Variants in MID1 observed in about 807,000 individuals in gnomAD.
MID1 encodes the protein midline 1.
MID1 carries 7 observed loss-of-function variants against 40.4 expected under a neutral mutation model. The observed-to-expected ratio is 0.17, with a 90% CI of 0.10 to 0.33. MID1 has a LOEUF of 0.33. Ranked by LOEUF, MID1 falls within the 10% of genes least tolerant of loss-of-function variation. MID1 has a pLI of 1.00. For missense variants in MID1, 367 were observed against 558.5 expected (o/e 0.66, Z 3.46); for synonymous variants, 229 against 221.2 (o/e 1.04, Z -0.31).
intron 1 of MID1, among the ~76,000 whole-genome samples, chrX:10,570,740 T>C (rs1934698713): frequency 8.9e-6 from 1 of 112,495 alleles, no homozygotes; most frequent in African/African-American, 3.2e-5. Flanking sequence ...AATCTACCAC[T>C]GTAGTGCAAA....
intron 8 of MID1, 68 bp from the exon 9 acceptor site, chrX:10,455,145 G>T: frequency 1.0e-6 from 1 of 976,333 alleles, no homozygotes; most frequent in South Asian, 2.0e-5. Flanking sequence ...ATAACCAATA[G>T]CATATTTTCA....
At chrX:10,555,422 A>C (rs1934080692) in intron 2 of MID1, among the ~76,000 whole-genome samples, 1 of 111,601 alleles carries the variant, frequency 9.0e-6, no homozygotes, top group Non-Finnish European at 1.9e-5. Context: ...TATTATTCAC[A>C]TTAAAAATTA....
chrX:10,829,854 T>C (rs2044241682), intron 1 of MID1, among the ~76,000 whole-genome samples: 1 of 111,957 alleles, frequency 8.9e-6, no homozygotes, highest in African/African-American at 3.2e-5. Context: ...TCTTGCCTAC[T>C]TTATAAGAAT....
chrX:10,592,674 A>G (rs1935332443), intron 1 of MID1, among the ~76,000 whole-genome samples: 1 of 110,571 alleles, frequency 9.0e-6, no homozygotes, highest in Non-Finnish European at 1.9e-5. Flanking sequence ...AAATTCCAAA[A>G]ATGAAAAGCC....
intron 3 of MID1, among the ~76,000 whole-genome samples, chrX:10,498,803 T>C (rs774151720): frequency 1.2e-4 from 13 of 112,668 alleles, no homozygotes; most frequent in Non-Finnish European, 1.9e-4. Flanking sequence ...CATTCCTTTC[T>C]ATGCCAAATA....
intron 1 of MID1, among the ~76,000 whole-genome samples, chrX:10,672,595 C>G (rs1478502608): frequency 8.9e-6 from 1 of 111,806 alleles, no homozygotes; most frequent in African/African-American, 3.2e-5. Context: ...AAGCAGGGAA[C>G]AGATTCTTGT....
chrX:10,617,523 T>G (rs1935859720), intron 1 of MID1, among the ~76,000 whole-genome samples: 1 of 112,265 alleles, frequency 8.9e-6, no homozygotes, highest in Non-Finnish European at 1.9e-5. Context: ...AAATACATCA[T>G]GCACCTTCTT....
At chrX:10,714,353 G>A (rs756225176) in intron 1 of MID1, among the ~76,000 whole-genome samples, 1 of 112,238 alleles carries the variant, frequency 8.9e-6, no homozygotes, top group African/African-American at 3.2e-5. Context: ...CGAAGCCTGG[G>A]TTAAAGTTGA....
At chrX:10,782,832 C>G (rs1198072554) in intron 1 of MID1, among the ~76,000 whole-genome samples, 1 of 111,644 alleles carries the variant, frequency 9.0e-6, no homozygotes, top group Non-Finnish European at 1.9e-5. Flanking sequence ...AAGCACTGTT[C>G]AAACTGTGGC....
chrX:10,829,919 G>T (rs2044242529), intron 1 of MID1, among the ~76,000 whole-genome samples: 1 of 111,887 alleles, frequency 8.9e-6, no homozygotes, highest in Non-Finnish European at 1.9e-5. Flanking sequence ...CATTATAAAA[G>T]CTCTCAAGTT....
chrX:10,767,139 T>C (rs1008340743), intron 1 of MID1, among the ~76,000 whole-genome samples: 1 of 111,061 alleles, frequency 9.0e-6, no homozygotes, highest in Non-Finnish European at 1.9e-5. Context: ...ATGAATTTCA[T>C]AGGGCTAACT....
intron 1 of MID1, among the ~76,000 whole-genome samples, chrX:10,762,545 C>T (rs2043687831): frequency 9.1e-6 from 1 of 109,835 alleles, no homozygotes; most frequent in South Asian, 3.9e-4. Flanking sequence ...GTGATCCTCC[C>T]ACCTCAGCCC....
At chrX:10,505,362 T>C (rs1383761928) in intron 3 of MID1, 2 of 751,909 alleles carry the variant, frequency 2.7e-6, no homozygotes, top group African/African-American at 4.6e-5. Flanking sequence ...GGTAACTTTG[T>C]TAGAAGCAGT....
Position 10,523,143 on chromosome X carries a change from T to C in MID1, c.705A>G (p.Thr235=). Residue 235 remains threonine (T), a synonymous_variant, in exon 3 of 10, where the codon ACA becomes ACG. Transcript: ENST00000317552. ...SNLTNLIKRN[T]ELETLLAKLI... ...GTTTAGCCAAAAGGGTCTCCAGTTC[T>C]GTGTTCCTCTTAATAAGGTTGGTGA... 1.7e-6 allele frequency: 2 copies of C among 1,205,228 alleles called. No homozygotes were observed. The highest frequency in any genetic ancestry group is 2.2e-6 in the Non-Finnish European group (2 of 892,156).
chrX:10,558,065 T>TAAAAA (rs368289385), intron 2 of MID1, among the ~76,000 whole-genome samples: 3 of 89,802 alleles, frequency 3.3e-5, no homozygotes, highest in African/African-American at 1.2e-4. Flanking sequence ...CTCTCTCTCT[T>TAAAAA]AAAAAAAAAA....
rs34084751 is a variant in MID1, at chrX:10,552,170, TAAA to T, written c.660+14715_660+14717del. ...ACAGCATGCAATTATGAAGGAGTGG[TAAA>T]AAAAAAAAAAATAGGGAATGTCGGA... On this transcript the variant is annotated intron_variant, in intron 2 of 9. Transcript: ENST00000317552. Among the ~76,000 whole-genome samples the T allele has an allele frequency of 3.7e-3, 368 of 98,702 alleles. 3 individuals are homozygous for T. The highest frequency in any genetic ancestry group is 0.012 in the African/African-American group (329 of 27,313). 85.7% of individuals were successfully genotyped at this position (98,702 alleles called of 115,157 possible).
intron 1 of MID1, among the ~76,000 whole-genome samples, chrX:10,821,183 A>G (rs1016511787): frequency 4.5e-5 from 5 of 112,022 alleles, no homozygotes; most frequent in South Asian, 3.8e-4. Flanking sequence ...TGCTCATTCA[A>G]TAAATGACTC....
intron 1 of MID1, among the ~76,000 whole-genome samples, chrX:10,730,728 C>A (rs1337017691): frequency 1.8e-5 from 2 of 109,459 alleles, no homozygotes; most frequent in Non-Finnish European, 3.8e-5. Flanking sequence ...CCCGCCACCA[C>A]GCCCGGCTAA....
At chrX:10,478,421 A>G (rs192597570) in intron 5 of MID1, among the ~76,000 whole-genome samples, 33 of 111,997 alleles carry the variant, frequency 2.9e-4, no homozygotes, top group Non-Finnish European at 3.9e-4. Flanking sequence ...CCCCACAATA[A>G]CCATCTTAGG....
Sources: allele counts gnomAD v4.1 joint callset (sites outside exome capture counted in the v4.1 genomes callset), GRCh38; gene constraint gnomAD v4.1.1; transcripts MANE v1.5; gene names NCBI Gene and HGNC (gene_info 2026-07-23, HGNC 2026-07-21).